RBMS1: variants seen among roughly 807,000 people sequenced by gnomAD.
RBMS1 encodes RNA binding motif single stranded interacting protein 1, also known as RNA-binding motif, single-stranded-interacting protein 1.
RBMS1 carries 17 observed loss-of-function variants against 62.3 expected under a neutral mutation model. The ratio of observed to expected loss-of-function variants is 0.27; its 90% confidence interval spans 0.19 to 0.41. The LOEUF (loss-of-function observed/expected upper bound fraction) is 0.41. Ranked by LOEUF, RBMS1 falls within the 10% of genes least tolerant of loss-of-function variation. RBMS1 has a pLI of 1.00. For missense variants in RBMS1, 334 were observed against 504.5 expected, an observed-to-expected ratio of 0.66 and a Z score of 3.24; for synonymous variants, 172 against 170.0, an observed-to-expected ratio of 1.01 and a Z score of -0.09.
Position 160,275,664 on chromosome 2 carries a change from A to T in RBMS1, c.1194T>A (p.Ser398=). 1.9e-6 allele frequency: 3 copies of T among 1,613,830 alleles called. No individual in the cohort carries two copies. The highest frequency in any genetic ancestry group is 2.5e-6 in the Non-Finnish European group (3 of 1,179,760). Residue 398 remains serine, a synonymous_variant, in exon 13 of 14, where the codon TCT becomes TCA. Transcript: ENST00000348849. ...ACTTATTAGGTTGAAAGGTATATGG[A>T]GAATGGTCATTAGACGTCTCGACAG... ...QVAVETSNDH[S]PYTFQPNK is the part of the protein sequence containing the mutation.
chr2:160,421,397 GT>G (rs1386688809), intron 1 of RBMS1, among the ~76,000 whole-genome samples: 9 of 151,910 alleles, frequency 5.9e-5, no homozygotes, highest in Non-Finnish European at 1.2e-4. Context: ...AACATGCGGT[GT>G]TTGGTTTTTT....
intron 1 of RBMS1, among the ~76,000 whole-genome samples, chr2:160,405,851 A>T (rs1254237587): frequency 6.6e-6 from 1 of 152,192 alleles, no homozygotes; most frequent in African/African-American, 2.4e-5. Flanking sequence ...TTGACAACAA[A>T]TAAATGAATA....
intron 1 of RBMS1, among the ~76,000 whole-genome samples, chr2:160,419,491 T>G (rs1696332947): frequency 6.6e-6 from 1 of 152,226 alleles, no homozygotes; most frequent in African/African-American, 2.4e-5. Context: ...AATCATATCA[T>G]TCGTTTCATT....
chr2:160,330,870 T>C (rs1045056297), intron 2 of RBMS1, among the ~76,000 whole-genome samples: 3 of 152,128 alleles, frequency 2.0e-5, no homozygotes, highest in African/African-American at 7.2e-5. Context: ...TCTTTGAAGA[T>C]GTAGTCAAGT....
chr2:160,329,274 G>A (rs933017615), intron 2 of RBMS1, among the ~76,000 whole-genome samples: 10 of 152,190 alleles, frequency 6.6e-5, no homozygotes, highest in African/African-American at 2.4e-4. Context: ...CATATCCCTA[G>A]TAAAAGACAC....
chr2:160,483,455 C>T (rs987155569), intron 1 of RBMS1, among the ~76,000 whole-genome samples: 2 of 152,072 alleles, frequency 1.3e-5, no homozygotes, highest in Admixed American at 6.5e-5. Flanking sequence ...CACACTTATA[C>T]GTTACCAAAT....
At chr2:160,380,047 C>T (rs1409167924) in intron 1 of RBMS1, among the ~76,000 whole-genome samples, 1 of 152,154 alleles carries the variant, frequency 6.6e-6, no homozygotes, top group East Asian at 1.9e-4. Context: ...ATCAAACATG[C>T]AATCTTTCAT....
At chr2:160,277,510 C>A in intron 11 of RBMS1, 127 bp from the exon 12 acceptor site, 1 of 652,838 alleles carries the variant, frequency 1.5e-6, no homozygotes, top group Non-Finnish European at 2.7e-6. Context: ...TGGGCTACAC[C>A]TCAAAGCTTA....
At chr2:160,343,715 G>A (rs1692018265) in intron 2 of RBMS1, among the ~76,000 whole-genome samples, 1 of 152,140 alleles carries the variant, frequency 6.6e-6, no homozygotes, top group Non-Finnish European at 1.5e-5. Flanking sequence ...TATAGCACTT[G>A]TTCTGCCATT....
chr2:160,352,814 C>T (rs1355736887), intron 2 of RBMS1, among the ~76,000 whole-genome samples: 1 of 152,098 alleles, frequency 6.6e-6, no homozygotes, highest in Non-Finnish European at 1.5e-5. Context: ...AAAGTGCCTA[C>T]CGCGTTGCAT....
intron 4 of RBMS1, among the ~76,000 whole-genome samples, chr2:160,312,869 T>C (rs969482212): frequency 6.6e-6 from 1 of 151,942 alleles, no homozygotes; most frequent in African/African-American, 2.4e-5. Flanking sequence ...AAATACCTGA[T>C]TACCTGAGAA....
At chr2:160,300,799 GCATAAA>G (rs1689169554) in intron 5 of RBMS1, 69 bp from the exon 6 acceptor site, 1 of 1,398,332 alleles carries the variant, frequency 7.2e-7, no homozygotes, top group Admixed American at 2.9e-5. Flanking sequence ...TTCGGTGCAT[GCATAAA>G]CATTCTTATA....
intron 2 of RBMS1, among the ~76,000 whole-genome samples, chr2:160,359,007 A>G (rs1337391513): frequency 6.6e-6 from 1 of 152,152 alleles, no homozygotes; most frequent in Admixed American, 6.6e-5. Flanking sequence ...ATATGTCCTA[A>G]TCTCAATTAT....
chr2:160,282,553 T>C, intron 9 of RBMS1: 1 of 295,234 alleles, frequency 3.4e-6, no homozygotes. Context: ...CCATTTTTTA[T>C]ATGCTTCAGT....
intron 1 of RBMS1, among the ~76,000 whole-genome samples, chr2:160,402,710 C>T (rs758479792): frequency 1.3e-5 from 2 of 152,152 alleles, no homozygotes; most frequent in Non-Finnish European, 2.9e-5. Flanking sequence ...CTGTTCTTGA[C>T]GGGCTTTCTT....
chr2:160,314,746 G>A (rs1690117801), intron 3 of RBMS1, among the ~76,000 whole-genome samples: 1 of 152,202 alleles, frequency 6.6e-6, no homozygotes, highest in Non-Finnish European at 1.5e-5. Context: ...AGACAGTAGA[G>A]AAATAGCCAG....
intron 1 of RBMS1, among the ~76,000 whole-genome samples, chr2:160,389,595 G>A (rs1445352473): frequency 6.6e-6 from 1 of 151,114 alleles, no homozygotes; most frequent in Non-Finnish European, 1.5e-5. Flanking sequence ...CTACTCAGGA[G>A]GCTGAGGCAG....
chr2:160,298,607 G>A lies in RBMS1; in HGVS notation c.640+2044C>T, dbSNP rs536779761. Among the ~76,000 whole-genome samples, 14 of 152,174 alleles carry A rather than the reference G, an allele frequency of 9.2e-5. No individual in the cohort carries two copies. The South Asian group carries it at 1.5e-3, about 16-fold the overall frequency. ...GGTGCAAAAGTAGTCAAGGGAGGAC[G>A]CACTTCATGGATGAGTGAGGGGCCA... On this transcript the variant is annotated intron_variant, in intron 6 of 13. Transcript: ENST00000348849.
Position 160,413,985 on chromosome 2 carries a change from T to A in RBMS1, c.76-46594A>T, listed in dbSNP as rs1018346322. 3.3e-5 allele frequency among the ~76,000 whole-genome samples: 5 copies of A among 152,146 alleles called. No individual in the cohort carries two copies. The East Asian group carries it at 7.7e-4, about 23-fold the overall frequency. On this transcript the variant is annotated intron_variant, in intron 1 of 13. Transcript: ENST00000348849. ...AGCTATGGATCAAGTCCAAGCCCCA[T>A]AGAGAAAAACTTACATGGTATTAAG... is the stretch of plus-strand genomic sequence containing the variant.
Sources: gnomAD v4.1 joint callset for allele counts (sites outside exome capture counted in the v4.1 genomes callset) on GRCh38, gnomAD v4.1.1 for gene constraint, MANE v1.5 for transcripts, NCBI Gene and HGNC (gene_info 2026-07-23, HGNC 2026-07-21) for gene names.